Variants in GNA12 observed in about 807,000 individuals in gnomAD.
The protein encoded by GNA12 is G protein subunit alpha 12.
Under a neutral mutation model 26.0 loss-of-function variants are expected in GNA12, and 9 were observed. The observed-to-expected ratio is 0.35, with a 90% CI of 0.21 to 0.60. GNA12 has a LOEUF of 0.60. Ranked by LOEUF, GNA12 falls within the 20% of genes least tolerant of loss-of-function variation. GNA12 has a pLI of 0.78. For missense variants in GNA12, 405 were observed against 525.8 expected (o/e 0.77, Z 2.25); for synonymous variants, 264 against 219.6 (o/e 1.20, Z -1.79).
intron 1 of GNA12, among the ~76,000 whole-genome samples, chr7:2,810,840 G>A (rs752038990): frequency 7.9e-5 from 12 of 152,142 alleles, no homozygotes; most frequent in African/African-American, 7.2e-5. Context: ...AAAGGTTGCC[G>A]TGAGCCATGA....
intron 2 of GNA12, among the ~76,000 whole-genome samples, chr7:2,751,620 A>G (rs374039054): frequency 9.6e-4 from 146 of 152,338 alleles, no homozygotes; most frequent in African/African-American, 3.2e-3. Flanking sequence ...CAGAACTGAT[A>G]ACCTCCTAAG....
chr7:2,734,394 C>G (rs185124327), intron 2 of GNA12, among the ~76,000 whole-genome samples: 37 of 152,388 alleles, frequency 2.4e-4, no homozygotes, highest in African/African-American at 7.9e-4. Context: ...GGGGTCAAGG[C>G]TTCCAGGCTG....
intron 1 of GNA12, among the ~76,000 whole-genome samples, chr7:2,838,344 G>A (rs1281798014): frequency 1.3e-5 from 2 of 151,120 alleles, no homozygotes; most frequent in East Asian, 3.9e-4. Flanking sequence ...CTTTGGCTGA[G>A]GCAGGAGGAT....
chr7:2,790,992 G>T (rs1421548182), intron 2 of GNA12, among the ~76,000 whole-genome samples: 1 of 150,900 alleles, frequency 6.6e-6, no homozygotes, highest in African/African-American at 2.4e-5. Flanking sequence ...AAAAAAAAAG[G>T]TAAAGAAATA....
intron 1 of GNA12, among the ~76,000 whole-genome samples, chr7:2,828,784 G>A (rs995148495): frequency 6.6e-6 from 1 of 152,316 alleles, no homozygotes; most frequent in South Asian, 2.1e-4. Context: ...GGCCAGGCAC[G>A]GTGGCTCACG....
rs557822114 is a variant in GNA12, at chr7:2,772,990, G to GA, written c.525+21937dup. On this transcript the variant is annotated intron_variant, in intron 2 of 3. Coordinates refer to ENST00000275364, the MANE Select transcript of GNA12 (RefSeq NM_007353.3). ...TACCAATCCACGTAGCAACACAGAT[G>GA]AATCTCTCAGTCATTAAGCAAAGAA... Among the ~76,000 whole-genome samples, 148 of 152,336 alleles carry GA rather than the reference G, an allele frequency of 9.7e-4. No individual in the cohort carries two copies. The East Asian group carries it at 0.022, about 22-fold the overall frequency.
intron 2 of GNA12, among the ~76,000 whole-genome samples, chr7:2,761,876 G>T (rs753345911): frequency 1.3e-5 from 2 of 152,058 alleles, no homozygotes; most frequent in African/African-American, 2.4e-5. Flanking sequence ...CGTAAAATTC[G>T]GCTTCCAGCT....
chr7:2,762,538 C>T, intron 2 of GNA12: 1 of 1,257,418 alleles, frequency 8.0e-7, no homozygotes, highest in Non-Finnish European at 1.1e-6. Flanking sequence ...TCCACCACGC[C>T]TTCTATTCTG....
At chr7:2,811,716 C>A (rs1045093212) in intron 1 of GNA12, among the ~76,000 whole-genome samples, 4 of 152,196 alleles carry the variant, frequency 2.6e-5, no homozygotes, top group Non-Finnish European at 5.9e-5. Flanking sequence ...GGGCTGCTGT[C>A]CAGTTTCACC....
chr7:2,731,873 A>G lies in GNA12; in HGVS notation c.577-123T>C, dbSNP rs1160750248. 9 of 537,420 alleles carry G rather than the reference A, an allele frequency of 1.7e-5. No homozygotes were observed. Among genetic ancestry groups the G allele is most frequent in the Non-Finnish European group, 2.3e-5 (7 of 310,834 alleles). 33.3% of individuals were successfully genotyped at this position (537,420 alleles called of 1,614,324 possible). ...TGACTTTTGCAACAGGTTGAACCAGAAACCAAAAGCAAATTTCATTTATAA... is the reference window on the plus strand; with the variant it reads ...TGACTTTTGCAACAGGTTGAACCAGGAACCAAAAGCAAATTTCATTTATAA... On this transcript the variant is annotated intron_variant, in intron 3 of 3. Coordinates refer to ENST00000275364, the MANE Select transcript of GNA12 (RefSeq NM_007353.3). This position sits in a 1 kb window ranked among gnomAD's most constrained non-coding sequence, Gnocchi z 6.0.
At chr7:2,825,474 T>A (rs1403722730) in intron 1 of GNA12, among the ~76,000 whole-genome samples, 1 of 152,114 alleles carries the variant, frequency 6.6e-6, no homozygotes, top group African/African-American at 2.4e-5. Flanking sequence ...CCTAAAGGGG[T>A]GTGTTTTCAT....
intron 1 of GNA12, among the ~76,000 whole-genome samples, chr7:2,807,862 A>G (rs2527688): frequency 0.58 from 87,783 of 151,482 alleles, 25,690 homozygotes; most frequent in Non-Finnish European, 0.63. Context: ...TTAAGGGGCC[A>G]ACCTTAGGCA....
At chr7:2,751,052 G>A (rs1230934139) in intron 2 of GNA12, among the ~76,000 whole-genome samples, 12 of 152,166 alleles carry the variant, frequency 7.9e-5, no homozygotes, top group Admixed American at 5.2e-4. Flanking sequence ...ATCTTGAGAT[G>A]TTGCCACTAC....
chr7:2,741,073 T>C (rs1035507531), intron 2 of GNA12, among the ~76,000 whole-genome samples: 20 of 148,208 alleles, frequency 1.3e-4, no homozygotes, highest in Non-Finnish European at 2.9e-4. Context: ...AACAAACAAA[T>C]AATCAAACAA....
At chr7:2,746,257 C>T (rs2115346342) in intron 2 of GNA12, among the ~76,000 whole-genome samples, 1 of 152,230 alleles carries the variant, frequency 6.6e-6, no homozygotes, top group East Asian at 1.9e-4. Context: ...CAAAATTGAC[C>T]ACTTGATAGT....
At chr7:2,779,075 G>A (rs1679659198) in intron 2 of GNA12, among the ~76,000 whole-genome samples, 1 of 152,184 alleles carries the variant, frequency 6.6e-6, no homozygotes, top group South Asian at 2.1e-4. Flanking sequence ...TAAATTAGCT[G>A]AGGCTGGGCG....
chr7:2,820,832 G>A (rs925798502), intron 1 of GNA12, among the ~76,000 whole-genome samples: 1 of 152,204 alleles, frequency 6.6e-6, no homozygotes, highest in Non-Finnish European at 1.5e-5. Flanking sequence ...TCAAGCTCCT[G>A]GACTCAAGCC....
At chr7:2,747,971 C>T (rs1247182955) in intron 2 of GNA12, among the ~76,000 whole-genome samples, 2 of 150,890 alleles carry the variant, frequency 1.3e-5, no homozygotes, top group South Asian at 2.1e-4. Context: ...AGGACCTCTT[C>T]AAGGAGAACT....
At chr7:2,813,702 G>GT (rs373329323) in intron 1 of GNA12, among the ~76,000 whole-genome samples, 3 of 152,330 alleles carry the variant, frequency 2.0e-5, no homozygotes, top group Admixed American at 6.5e-5. Context: ...AGGAAACAGC[G>GT]TATTCGTTAG....
Sources: allele counts gnomAD v4.1 joint callset (sites outside exome capture counted in the v4.1 genomes callset), GRCh38; gene constraint gnomAD v4.1.1; non-coding constraint Gnocchi (gnomAD v3.1); transcripts MANE v1.5; gene names NCBI Gene and HGNC (gene_info 2026-07-23, HGNC 2026-07-21).